The following TSHZ2 variants were observed in gnomAD, a reference collection of about 807,000 sequenced individuals.
TSHZ2 encodes the protein teashirt zinc finger homeobox 2, also known as teashirt homolog 2.
TSHZ2 carries 21 observed loss-of-function variants against 74.4 expected under a neutral mutation model. That is an observed-to-expected ratio of 0.28 (90% CI 0.20 to 0.41). The LOEUF is 0.41. Among genes scored for constraint, TSHZ2 ranks in the 10% least tolerant of loss-of-function variants. TSHZ2 has a pLI of 1.00. For synonymous variants in TSHZ2, 540 were observed against 515.3 expected, an observed-to-expected ratio of 1.05 and a Z score of -0.65; for missense variants, 1,244 against 1,293.5, an observed-to-expected ratio of 0.96 and a Z score of 0.59.
At chr20:53,293,835 G>T (rs1295409241) in intron 2 of TSHZ2, among the ~76,000 whole-genome samples, 1 of 152,004 alleles carries the variant, frequency 6.6e-6, no homozygotes. Context: ...GGACAACATG[G>T]TGAAACCCCA....
At chr20:53,243,779 T>C (rs1215768119) in intron 1 of TSHZ2, among the ~76,000 whole-genome samples, 1 of 152,116 alleles carries the variant, frequency 6.6e-6, no homozygotes, top group Non-Finnish European at 1.5e-5. Context: ...AGTGCCAATG[T>C]AGCTTTTCTG....
chr20:53,150,724 GAAA>G (rs1480160739), intron 1 of TSHZ2, among the ~76,000 whole-genome samples: 1 of 151,570 alleles, frequency 6.6e-6, no homozygotes, highest in Non-Finnish European at 1.5e-5. Flanking sequence ...AGGAGGAAAA[GAAA>G]AAGAAGGAGG....
chr20:53,328,411 T>C (rs1979584559), intron 2 of TSHZ2, among the ~76,000 whole-genome samples: 1 of 152,184 alleles, frequency 6.6e-6, no homozygotes, highest in Admixed American at 6.5e-5. Context: ...GACTTATCAT[T>C]TGTAATTTGG....
chr20:53,293,188 T>C (rs2145462712), intron 2 of TSHZ2, among the ~76,000 whole-genome samples: 1 of 152,302 alleles, frequency 6.6e-6, no homozygotes, highest in South Asian at 2.1e-4. Context: ...ATGAGCCAAG[T>C]GCAGTGGCTC....
chr20:53,459,493 G>A (rs1479988239), intron 2 of TSHZ2, among the ~76,000 whole-genome samples: 2 of 146,106 alleles, frequency 1.4e-5, no homozygotes, highest in African/African-American at 5.1e-5. Context: ...CACACTGATG[G>A]GTCTTGACTC....
intron 1 of TSHZ2, among the ~76,000 whole-genome samples, chr20:53,183,148 A>G (rs1425957067): frequency 2.0e-5 from 3 of 152,212 alleles, no homozygotes; most frequent in Admixed American, 1.3e-4. Context: ...CAAAACTTCA[A>G]TGAAATTAGG....
chr20:53,274,304 A>C (rs1051885074), intron 2 of TSHZ2, among the ~76,000 whole-genome samples: 3 of 152,162 alleles, frequency 2.0e-5, no homozygotes, highest in Non-Finnish European at 4.4e-5. Context: ...CACTATTTTC[A>C]TGCTTCTCCA....
chr20:53,287,640 T>C (rs1403744922), intron 2 of TSHZ2, among the ~76,000 whole-genome samples: 2 of 152,166 alleles, frequency 1.3e-5, no homozygotes, highest in Admixed American at 6.5e-5. Flanking sequence ...GAGACTGAGA[T>C]TGGAAAAAGC....
intron 2 of TSHZ2, among the ~76,000 whole-genome samples, chr20:53,342,931 ATTTCTTTTCT>A (rs1210110126): frequency 1.8e-4 from 9 of 49,926 alleles, no homozygotes; most frequent in African/African-American, 2.3e-4. Context: ...AAGAACCCGT[ATTTCTTTTCT>A]TTTCTTTTCT....
chr20:53,068,818 G>T (rs1985078303), intron 1 of TSHZ2, among the ~76,000 whole-genome samples: 1 of 151,776 alleles, frequency 6.6e-6, no homozygotes, highest in Non-Finnish European at 1.5e-5. Context: ...TTGGATTTTA[G>T]CACGCTGCAA....
chr20:53,185,329 C>T (rs905102581), intron 1 of TSHZ2: 2 of 1,115,786 alleles, frequency 1.8e-6, no homozygotes, highest in African/African-American at 3.2e-5. Context: ...TATTGCAATA[C>T]ATCTGAAAAC....
At chr20:53,205,321 T>C (rs1015250560) in intron 1 of TSHZ2, among the ~76,000 whole-genome samples, 2 of 152,194 alleles carry the variant, frequency 1.3e-5, no homozygotes, top group African/African-American at 2.4e-5. Flanking sequence ...GAAATTATGG[T>C]ATCTCTCCAA....
intron 1 of TSHZ2, among the ~76,000 whole-genome samples, chr20:53,015,864 C>T (rs1047230771): frequency 6.6e-6 from 1 of 152,058 alleles, no homozygotes; most frequent in African/African-American, 2.4e-5. Flanking sequence ...GTACACCTTG[C>T]CCAGTGTTCA....
At chr20:53,112,375 C>G (rs1272790992) in intron 1 of TSHZ2, among the ~76,000 whole-genome samples, 4 of 152,234 alleles carry the variant, frequency 2.6e-5, no homozygotes, top group Admixed American at 2.6e-4. Flanking sequence ...ACTGAACTGC[C>G]TTAAGTCCAT....
chr20:53,182,199 T>G (rs544875591), intron 1 of TSHZ2, among the ~76,000 whole-genome samples: 1 of 149,092 alleles, frequency 6.7e-6, no homozygotes, highest in African/African-American at 2.5e-5. Flanking sequence ...TTCTTTCTTC[T>G]TCTCTTCCTC....
At chr20:53,065,190 C>G (rs1020197997) in intron 1 of TSHZ2, among the ~76,000 whole-genome samples, 1 of 152,150 alleles carries the variant, frequency 6.6e-6, no homozygotes, top group African/African-American at 2.4e-5. Context: ...TATGATAATG[C>G]GTGAAGAGCT....
At chr20:53,267,514 A>G (rs980401674) in intron 2 of TSHZ2, among the ~76,000 whole-genome samples, 1 of 152,238 alleles carries the variant, frequency 6.6e-6, no homozygotes, top group Admixed American at 6.5e-5. Flanking sequence ...ACTGAGGTTT[A>G]GAAATAATGA....
intron 1 of TSHZ2, among the ~76,000 whole-genome samples, chr20:52,977,155 T>C (rs1057143985): frequency 2.0e-5 from 3 of 152,250 alleles, no homozygotes; most frequent in Admixed American, 6.5e-5. Context: ...GTGATGACTC[T>C]GAATTAACCG....
intron 2 of TSHZ2, among the ~76,000 whole-genome samples, chr20:53,377,008 A>G (rs551638417): frequency 4.6e-5 from 7 of 152,380 alleles, no homozygotes; most frequent in African/African-American, 1.7e-4. Context: ...CTCTTCTTCT[A>G]TAGATGCTGT....
Sources: gnomAD v4.1 joint callset for allele counts (sites outside exome capture counted in the v4.1 genomes callset) on GRCh38, gnomAD v4.1.1 for gene constraint, MANE v1.5 for transcripts, NCBI Gene and HGNC (gene_info 2026-07-23, HGNC 2026-07-21) for gene names.